L3MBTL4: variants seen among roughly 807,000 people sequenced by gnomAD.
L3MBTL4 encodes lethal(3)malignant brain tumor-like protein 4.
A neutral mutation model predicts 84.5 loss-of-function variants in L3MBTL4; 70 were observed. That is an observed-to-expected ratio of 0.83 (90% CI 0.68 to 1.01). The LOEUF is 1.01. L3MBTL4 is among the 50% of genes least tolerant of loss of function. The pLI, the probability that L3MBTL4 is intolerant of heterozygous loss-of-function variation, is 0.00. For missense variants in L3MBTL4, 715 were observed against 754.8 expected, an observed-to-expected ratio of 0.95 and a Z score of 0.62; for synonymous variants, 274 against 259.8, an observed-to-expected ratio of 1.05 and a Z score of -0.52.
intron 1 of L3MBTL4, among the ~76,000 whole-genome samples, chr18:6,382,964 G>C (rs8084056): frequency 6.6e-6 from 1 of 150,982 alleles, no homozygotes; most frequent in Non-Finnish European, 1.5e-5. Flanking sequence ...GATTTTATCT[G>C]TAAGTCCCTG....
At chr18:6,152,239 A>G (rs1209834162) in intron 13 of L3MBTL4, among the ~76,000 whole-genome samples, 4 of 152,178 alleles carry the variant, frequency 2.6e-5, no homozygotes, top group Non-Finnish European at 5.9e-5. Context: ...TCATTTGGAT[A>G]CATACCCAAA....
At chr18:6,168,979 CA>C (rs2043825202) in intron 13 of L3MBTL4, among the ~76,000 whole-genome samples, 1 of 151,916 alleles carries the variant, frequency 6.6e-6, no homozygotes, top group African/African-American at 2.4e-5. Context: ...AACAAATTTA[CA>C]AGAAAAAAAC....
rs747098379 is a variant in L3MBTL4, at chr18:5,960,207, TG to T, written c.1615-52del. On this transcript the variant is annotated intron_variant, in intron 17 of 18. Transcript: ENST00000317931. ...TTTAATACATGCACCTGAAATAATT[TG>T]GGGGTTGCAGTAATCCAACATTTAA... 4 of 1,173,844 alleles carry T rather than the reference TG, an allele frequency of 3.4e-6. No homozygotes were observed. The Admixed American group carries it at 6.3e-5, about 18-fold the overall frequency. The allele number at this position is 1,173,844 out of a possible 1,614,324, so 72.7% of individuals were successfully genotyped here. A position where few individuals can be genotyped will look rare whatever the true frequency, so the allele number is the denominator to read the frequency against.
intron 1 of L3MBTL4, among the ~76,000 whole-genome samples, chr18:6,320,218 C>T (rs1032677027): frequency 1.3e-5 from 2 of 151,966 alleles, no homozygotes; most frequent in African/African-American, 2.4e-5. Flanking sequence ...TGAAAGCATT[C>T]GCCCTTGAGA....
chr18:6,191,398 A>G lies in L3MBTL4; in HGVS notation c.982-19456T>C, dbSNP rs146935647. Among the ~76,000 whole-genome samples, 16 of 152,140 alleles carry G rather than the reference A, an allele frequency of 1.1e-4. No homozygotes were observed. The South Asian group carries it at 2.3e-3, about 22-fold the overall frequency. On this transcript the variant is annotated intron_variant, in intron 12 of 18. Transcript: ENST00000317931. ...GATAGGAAGCCAGCAGTCAAAGATG[A>G]CTCCACATTTTTGACTTGAGCGATG...
In L3MBTL4 at chr18:6,171,737, T is replaced by C. The variant is rs2043980402; in HGVS notation, c.1096+91A>G. 30 of 687,144 alleles carry C rather than the reference T, an allele frequency of 4.4e-5. 1 individual carries two copies. The South Asian group carries it at 6.1e-4, about 14-fold the overall frequency. 42.6% of individuals were successfully genotyped at this position (687,144 alleles called of 1,614,324 possible). ...AATTCGCCTATGTGATGTTTAGCTT[T>C]CAAATGCCTGTAATGGCATGAATAA... On this transcript the variant is annotated intron_variant, in intron 13 of 18. Coordinates refer to ENST00000317931, the MANE Select transcript of L3MBTL4 (RefSeq NM_001330559.2).
intron 4 of L3MBTL4, among the ~76,000 whole-genome samples, chr18:6,295,683 G>A (rs1019080396): frequency 4.6e-5 from 7 of 152,118 alleles, no homozygotes; most frequent in Admixed American, 3.3e-4. Context: ...AATTATTGAA[G>A]TGCCCCTGCA....
intron 14 of L3MBTL4, among the ~76,000 whole-genome samples, chr18:6,097,483 G>A (rs577004949): frequency 6.6e-6 from 1 of 152,304 alleles, no homozygotes; most frequent in South Asian, 2.1e-4. Context: ...TGCATTTTGG[G>A]TGTGGTCCAG....
chr18:5,957,333 A>G (rs1410309323), intron 18 of L3MBTL4, among the ~76,000 whole-genome samples: 2 of 152,158 alleles, frequency 1.3e-5, no homozygotes, highest in African/African-American at 4.8e-5. Flanking sequence ...TATGTATATC[A>G]AATCATCACA....
intron 13 of L3MBTL4, among the ~76,000 whole-genome samples, chr18:6,157,282 G>A (rs2043144123): frequency 6.6e-6 from 1 of 152,150 alleles, no homozygotes; most frequent in South Asian, 2.1e-4. Context: ...AAAACAGAAT[G>A]AAATTGAAAA....
At chr18:6,208,199 G>A (rs1262526666) in intron 12 of L3MBTL4, among the ~76,000 whole-genome samples, 1 of 152,060 alleles carries the variant, frequency 6.6e-6, no homozygotes, top group Admixed American at 6.5e-5. Flanking sequence ...TGGCTTTCTG[G>A]AAGCACAGGC....
At chr18:6,311,243 T>G (rs2050816884) in intron 3 of L3MBTL4, among the ~76,000 whole-genome samples, 1 of 152,086 alleles carries the variant, frequency 6.6e-6, no homozygotes, top group South Asian at 2.1e-4. Context: ...CCTGTTTCTC[T>G]GGAGAACCCT....
chr18:5,975,893 A>G (rs540784144), intron 16 of L3MBTL4, among the ~76,000 whole-genome samples: 7 of 152,174 alleles, frequency 4.6e-5, no homozygotes, highest in African/African-American at 7.2e-5. Context: ...TCTGTTTCTC[A>G]TACCCTTATT....
At chr18:6,016,241 C>A (rs80092781) in intron 16 of L3MBTL4, among the ~76,000 whole-genome samples, 5,456 of 152,182 alleles carry the variant, frequency 0.036, 121 homozygotes, top group Non-Finnish European at 0.057. Flanking sequence ...ACGGATGGAG[C>A]CTTTGGAAGG....
At chr18:6,160,737 A>G (rs919759580) in intron 13 of L3MBTL4, among the ~76,000 whole-genome samples, 3 of 151,680 alleles carry the variant, frequency 2.0e-5, no homozygotes, top group Admixed American at 6.6e-5. Flanking sequence ...GTCTCAAAAA[A>G]AAAAAAAAAA....
intron 12 of L3MBTL4, among the ~76,000 whole-genome samples, chr18:6,178,018 G>A (rs1016972304): frequency 6.6e-6 from 1 of 152,096 alleles, no homozygotes; most frequent in African/African-American, 2.4e-5. Context: ...GTCCTGCTTT[G>A]AGGAGTTAGG....
At chr18:6,284,719 TC>T (rs1297072248) in intron 4 of L3MBTL4, among the ~76,000 whole-genome samples, 6 of 152,180 alleles carry the variant, frequency 3.9e-5, no homozygotes, top group Admixed American at 3.9e-4. Flanking sequence ...CCCTTCTCTT[TC>T]CCTCCTGAGC....
At chr18:6,014,637 G>C (rs1306579422) in intron 16 of L3MBTL4, among the ~76,000 whole-genome samples, 1 of 152,150 alleles carries the variant, frequency 6.6e-6, no homozygotes, top group African/African-American at 2.4e-5. Context: ...TAACAGAACA[G>C]AGAGTCCACA....
chr18:5,971,895 A>G (rs1423187471), intron 16 of L3MBTL4, among the ~76,000 whole-genome samples: 1 of 152,174 alleles, frequency 6.6e-6, no homozygotes, highest in Non-Finnish European at 1.5e-5. Flanking sequence ...AAAGAGATGG[A>G]GTTCTAGCTT....
Sources: allele counts gnomAD v4.1 joint callset (sites outside exome capture counted in the v4.1 genomes callset), GRCh38; gene constraint gnomAD v4.1.1; transcripts MANE v1.5; gene names NCBI Gene and HGNC (gene_info 2026-07-23, HGNC 2026-07-21).